CDH9: variants seen among roughly 807,000 people sequenced by gnomAD.
The protein encoded by CDH9 is cadherin-9.
In CDH9, 28 loss-of-function variants were observed where a neutral mutation model predicts 70.9. The ratio of observed to expected loss-of-function variants is 0.40; its 90% confidence interval spans 0.29 to 0.54. CDH9 has a LOEUF of 0.54. CDH9 is among the 20% of genes least tolerant of loss of function. CDH9 has a pLI of 0.59. For synonymous variants in CDH9, 409 were observed against 343.1 expected, an observed-to-expected ratio of 1.19 and a Z score of -2.12; for missense variants, 874 against 984.4, an observed-to-expected ratio of 0.89 and a Z score of 1.50.
intron 1 of CDH9, among the ~76,000 whole-genome samples, chr5:27,028,550 T>A (rs1274974669): frequency 6.6e-6 from 1 of 152,006 alleles, no homozygotes; most frequent in Non-Finnish European, 1.5e-5. Flanking sequence ...AAAAAGGGCA[T>A]GAAGTCAGGC....
intron 1 of CDH9, among the ~76,000 whole-genome samples, chr5:27,016,022 A>G (rs1743040915): frequency 1.3e-5 from 2 of 151,834 alleles, no homozygotes; most frequent in South Asian, 2.1e-4. Flanking sequence ...GACATCTTAC[A>G]TAATTTTTAT....
chr5:27,007,967 C>CA (rs1364743587), intron 1 of CDH9, among the ~76,000 whole-genome samples: 16 of 148,472 alleles, frequency 1.1e-4, no homozygotes, highest in South Asian at 2.1e-4. Flanking sequence ...GAACAACTTT[C>CA]AAAAAAAAAG....
At chr5:26,986,670 G>A (rs1742493123) in intron 2 of CDH9, among the ~76,000 whole-genome samples, 1 of 152,052 alleles carries the variant, frequency 6.6e-6, no homozygotes, top group Non-Finnish European at 1.5e-5. Flanking sequence ...AAGGCCCTGT[G>A]ACCTCAATGT....
chr5:27,030,165 C>T (rs1429017216), intron 1 of CDH9, among the ~76,000 whole-genome samples: 2 of 151,940 alleles, frequency 1.3e-5, no homozygotes, highest in African/African-American at 4.8e-5. Context: ...TACTTCTCCT[C>T]GTTCTACTTA....
chr5:26,943,881 T>A (rs1487637809), intron 2 of CDH9, among the ~76,000 whole-genome samples: 1 of 152,220 alleles, frequency 6.6e-6, no homozygotes, highest in Admixed American at 6.5e-5. Flanking sequence ...AAGTCTTAGC[T>A]CAGTTTATAT....
At chr5:26,963,638 AC>A (rs1356485220) in intron 2 of CDH9, among the ~76,000 whole-genome samples, 1 of 152,102 alleles carries the variant, frequency 6.6e-6, no homozygotes, top group Non-Finnish European at 1.5e-5. Flanking sequence ...TATTTTGTAT[AC>A]TTTTCCTAGA....
intron 2 of CDH9, among the ~76,000 whole-genome samples, chr5:26,950,921 C>T (rs34623406): frequency 0.068 from 10,278 of 152,116 alleles, 413 homozygotes; most frequent in Middle Eastern, 0.16. Context: ...AGTAGAGATA[C>T]TGACTAAGCA....
intron 7 of CDH9, among the ~76,000 whole-genome samples, chr5:26,899,753 A>T (rs931601667): frequency 6.6e-6 from 1 of 152,012 alleles, no homozygotes; most frequent in Non-Finnish European, 1.5e-5. Context: ...TAGCATTAGG[A>T]AAAATACCTA....
intron 2 of CDH9, among the ~76,000 whole-genome samples, chr5:26,975,319 C>T (rs1200350292): frequency 6.6e-6 from 1 of 152,156 alleles, no homozygotes; most frequent in Admixed American, 6.5e-5. Flanking sequence ...AAGCATTGAA[C>T]TCTCATGTTT....
intron 1 of CDH9, among the ~76,000 whole-genome samples, chr5:26,991,837 A>C (rs1308809871): frequency 6.6e-6 from 1 of 152,178 alleles, no homozygotes; most frequent in Non-Finnish European, 1.5e-5. Context: ...TATTGGAAAA[A>C]TAAAGAATCC....
At chr5:26,975,288 T>C (rs10942225) in intron 2 of CDH9, among the ~76,000 whole-genome samples, 71,799 of 151,970 alleles carry the variant, frequency 0.47, 17,811 homozygotes, top group Non-Finnish European at 0.53. Flanking sequence ...ATTTGAAGGT[T>C]TGAATTATTT....
intron 1 of CDH9, among the ~76,000 whole-genome samples, chr5:26,989,602 G>C (rs986329221): frequency 1.3e-5 from 2 of 151,548 alleles, no homozygotes; most frequent in Admixed American, 1.3e-4. Flanking sequence ...TTGTGTGGGT[G>C]ATAATATCTC....
chr5:26,906,978 C>T, intron 3 of CDH9, 140 bp from the exon 4 acceptor site: 2 of 1,263,836 alleles, frequency 1.6e-6, no homozygotes, highest in Non-Finnish European at 2.0e-6. Flanking sequence ...AATACTTCCT[C>T]AAAAAAGTTA....
chr5:26,937,630 A>G (rs1265632424), intron 2 of CDH9, among the ~76,000 whole-genome samples: 1 of 152,166 alleles, frequency 6.6e-6, no homozygotes, highest in Non-Finnish European at 1.5e-5. Context: ...ATAATGGAAT[A>G]TTATTCAGTA....
chr5:26,969,504 A>G (rs1742182010), intron 2 of CDH9, among the ~76,000 whole-genome samples: 1 of 152,148 alleles, frequency 6.6e-6, no homozygotes, highest in South Asian at 2.1e-4. Flanking sequence ...TTGAAAAATC[A>G]GTGTGATAAA....
chr5:26,984,168 G>A (rs1742451181), intron 2 of CDH9, among the ~76,000 whole-genome samples: 1 of 152,062 alleles, frequency 6.6e-6, no homozygotes. Flanking sequence ...GATAACAAAA[G>A]TTTCTAAATT....
At chr5:26,934,208 G>C (rs1033781400) in intron 2 of CDH9, among the ~76,000 whole-genome samples, 4 of 152,158 alleles carry the variant, frequency 2.6e-5, no homozygotes, top group African/African-American at 7.2e-5. Flanking sequence ...ACTCCAACCA[G>C]TAATCCCAAC....
chr5:26,890,395 C>T, intron 8 of CDH9, 33 bp downstream of exon 8: 1 of 1,595,250 alleles, frequency 6.3e-7, no homozygotes, highest in South Asian at 1.1e-5. Context: ...TGATGAAAGA[C>T]AGTGTCTTCG....
At chr5:27,017,636 G>A (rs184304056) in intron 1 of CDH9, among the ~76,000 whole-genome samples, 2 of 151,624 alleles carry the variant, frequency 1.3e-5, no homozygotes, top group Non-Finnish European at 2.9e-5. Context: ...TTTAACTCTC[G>A]GTTATATTTA....
Sources: gnomAD v4.1 joint callset for allele counts (sites outside exome capture counted in the v4.1 genomes callset) on GRCh38, gnomAD v4.1.1 for gene constraint, MANE v1.5 for transcripts, NCBI Gene and HGNC (gene_info 2026-07-23, HGNC 2026-07-21) for gene names.